Variants in FAM171B observed in about 807,000 individuals in gnomAD.
The protein encoded by FAM171B is family with sequence similarity 171 member B, also known as protein FAM171B.
A neutral mutation model predicts 75.6 loss-of-function variants in FAM171B; 19 were observed. That is an observed-to-expected ratio of 0.25 (90% confidence interval 0.18 to 0.37). The LOEUF (loss-of-function observed/expected upper bound fraction) is 0.37, where lower values mean the gene tolerates loss of function less well. FAM171B is among the 10% of genes least tolerant of loss of function. FAM171B has a pLI of 1.00. For synonymous variants in FAM171B, 367 were observed against 361.7 expected (o/e 1.01, Z -0.17); for missense variants, 848 against 982.4 (o/e 0.86, Z 1.83).
rs1689820423 is a variant in FAM171B, at chr2:186,712,300, G to C, written c.238+17889G>C. Reference sequence around the variant, plus strand: ...GCTATGAAACATAATCTCTCATTCTGCCTTTTTCTTTGTGCCCATAGTATG... The same window carrying C: ...GCTATGAAACATAATCTCTCATTCTCCCTTTTTCTTTGTGCCCATAGTATG... On this transcript the variant is annotated intron_variant, in intron 1 of 7. Coordinates refer to ENST00000304698, the MANE Select transcript of FAM171B (RefSeq NM_177454.4). Among the ~76,000 whole-genome samples the C allele has an allele frequency of 2.0e-5, 3 of 151,922 alleles. No individual in the cohort carries two copies. The South Asian group carries it at 6.2e-4, about 32-fold the overall frequency.
Position 186,761,782 on chromosome 2 carries a change from C to A in FAM171B, c.1440C>A (p.Asn480Lys). 5.0e-6 allele frequency: 8 copies of A among 1,613,132 alleles called. No homozygotes were observed. Among genetic ancestry groups the A allele is most frequent in the Non-Finnish European group, 6.8e-6 (8 of 1,179,710 alleles). The change falls in exon 8 of 8, where the codon AAC becomes AAA. Residue 480 changes from asparagine to lysine, a missense_variant. Asn to Lys is a moderately conservative substitution (Grantham distance 94, BLOSUM62 0). This residue lies in a region of FAM171B where 665 missense variants were observed against 729.0 expected (regional missense o/e 0.91). Transcript: ENST00000304698. ...LSVNQNNYSR[N>K]PTQSLEPNVG... The stretch of plus-strand genomic sequence containing the variant: ...TCAATCAAAATAATTACTCAAGAAA[C>A]CCAACACAGTCTTTGGAGCCCAATG...
chr2:186,739,761 T>C (rs912637747), intron 1 of FAM171B, among the ~76,000 whole-genome samples: 5 of 152,246 alleles, frequency 3.3e-5, no homozygotes, highest in Non-Finnish European at 7.3e-5. Context: ...CATTGTAAAA[T>C]AATGATTAAA....
intron 4 of FAM171B, among the ~76,000 whole-genome samples, chr2:186,750,432 T>G (rs565214545): frequency 6.6e-6 from 1 of 152,328 alleles, no homozygotes; most frequent in East Asian, 1.9e-4. Context: ...TTTCTCCTGC[T>G]TTTCAAGCTT....
At position 186,716,272 on chromosome 2, in the gene FAM171B, C is replaced by T. The variant is rs147901120; in HGVS notation, c.238+21861C>T. Among the ~76,000 whole-genome samples, 804 of 152,188 alleles carry T rather than the reference C, an allele frequency of 5.3e-3. 8 individuals carry two copies. Among genetic ancestry groups the T allele is most frequent in the African/African-American group, 0.018 (764 of 41,508 alleles). On this transcript the variant is annotated intron_variant, in intron 1 of 7. Coordinates refer to ENST00000304698, the MANE Select transcript of FAM171B (RefSeq NM_177454.4). ...TAAGTGATCATCCTGCCTCAGCCTC[C>T]CAAAGCACTGGGATTACAGGTGTAA...
chr2:186,694,258 G>A lies in FAM171B; in HGVS notation c.85G>A (p.Ala29Thr), dbSNP rs1689540380. 2 of 1,611,238 alleles carry A rather than the reference G, an allele frequency of 1.2e-6. No individual in the cohort carries two copies. Among genetic ancestry groups the A allele is most frequent in the Non-Finnish European group, 1.7e-6 (2 of 1,179,652 alleles). The change falls in exon 1 of 8, where the codon GCC (alanine) becomes ACC (threonine). Residue 29 changes from alanine to threonine, a missense_variant. By Grantham distance (58) the Ala-to-Thr change is moderately conservative. Coordinates refer to ENST00000304698, the MANE Select transcript of FAM171B (RefSeq NM_177454.4). Reference protein sequence around the residue: ...VLLKARLVPAAARAELSRSDL... With the variant: ...VLLKARLVPATARAELSRSDL... ...GCTGAAAGCGCGGCTGGTCCCCGCGGCCGCCAGAGCGGAACTCAGCCGCTC... is the reference window on the plus strand; with the variant it reads ...GCTGAAAGCGCGGCTGGTCCCCGCGACCGCCAGAGCGGAACTCAGCCGCTC...
chr2:186,750,595 T>C (rs1185865071), intron 4 of FAM171B, among the ~76,000 whole-genome samples: 9 of 149,154 alleles, frequency 6.0e-5, no homozygotes, highest in African/African-American at 2.1e-4. Context: ...GTACTTTTAA[T>C]CTGAATGCTT....
At chr2:186,723,436 C>T (rs1689984196) in intron 1 of FAM171B, among the ~76,000 whole-genome samples, 1 of 152,048 alleles carries the variant, frequency 6.6e-6, no homozygotes. Context: ...TCAAATGAGA[C>T]TTTCCCCCTT....
chr2:186,694,498 A>T (rs2105767453), intron 1 of FAM171B, 87 bp downstream of exon 1: 1 of 1,455,754 alleles, frequency 6.9e-7, no homozygotes, highest in Non-Finnish European at 9.2e-7. Context: ...TTCCCTATCC[A>T]TTCCTATCCT....
chr2:186,751,561 A>G (rs1690455187), intron 5 of FAM171B, among the ~76,000 whole-genome samples: 1 of 152,172 alleles, frequency 6.6e-6, no homozygotes, highest in Non-Finnish European at 1.5e-5. Context: ...TGAGGTAGAA[A>G]TAATTTTTTA....
At chr2:186,735,367 T>G (rs548518745) in intron 1 of FAM171B, among the ~76,000 whole-genome samples, 28 of 152,238 alleles carry the variant, frequency 1.8e-4, no homozygotes, top group African/African-American at 6.7e-4. Flanking sequence ...ATTCAGACAT[T>G]AAAAAACCTG....
intron 1 of FAM171B, among the ~76,000 whole-genome samples, chr2:186,704,347 A>AG (rs1370097496): frequency 2.6e-5 from 4 of 152,180 alleles, no homozygotes; most frequent in African/African-American, 9.6e-5. Flanking sequence ...TTTTAAAAAA[A>AG]CAGAAGTATT....
chr2:186,699,415 G>A (rs1003392546), intron 1 of FAM171B, among the ~76,000 whole-genome samples: 14 of 152,108 alleles, frequency 9.2e-5, no homozygotes, highest in African/African-American at 2.9e-4. Context: ...TTTGCCATTT[G>A]TGTGTTTTCT....
intron 1 of FAM171B, among the ~76,000 whole-genome samples, chr2:186,736,567 G>GTGGGA (rs55683607): frequency 0.037 from 3,909 of 104,508 alleles, 170 homozygotes; most frequent in African/African-American, 0.12. Context: ...TGTGTGTGTG[G>GTGGGA]GAGAGAGAGA....
intron 1 of FAM171B, among the ~76,000 whole-genome samples, chr2:186,700,090 T>G (rs1427946521): frequency 6.6e-6 from 1 of 151,828 alleles, no homozygotes; most frequent in African/African-American, 2.4e-5. Flanking sequence ...TTTTTTTAGC[T>G]CAGGGTGGCT....
At position 186,751,112 on chromosome 2, in the gene FAM171B, A is replaced by G. The variant is rs113643440; in HGVS notation, c.725-22A>G. ...ACCACCTCTGTTTACATATGATTTT[A>G]ATAAACTGTCTTCTTTTATAGGTTT... On this transcript the variant is annotated intron_variant, in intron 4 of 7. Transcript: ENST00000304698. 1.7e-4 allele frequency: 263 copies of G among 1,546,624 alleles called. 1 individual carries two copies. In the African/African-American group the frequency reaches 3.2e-3, roughly 19 times the overall value.
intron 1 of FAM171B, among the ~76,000 whole-genome samples, chr2:186,695,901 G>A (rs941164008): frequency 6.6e-6 from 1 of 152,198 alleles, no homozygotes; most frequent in Non-Finnish European, 1.5e-5. Flanking sequence ...CTATGAAGCC[G>A]AAGTCTGGGA....
At position 186,712,934 on chromosome 2, in the gene FAM171B, A is replaced by T. The variant is rs190088157; in HGVS notation, c.238+18523A>T. On this transcript the variant is annotated intron_variant, in intron 1 of 7. Coordinates refer to ENST00000304698, the MANE Select transcript of FAM171B (RefSeq NM_177454.4). ...ACATTTCTAAATCTATATTGCAAACAAGTACATTTAATTATTCAGTCTTCA... is the reference window on the plus strand; with the variant it reads ...ACATTTCTAAATCTATATTGCAAACTAGTACATTTAATTATTCAGTCTTCA... 2.7e-4 allele frequency among the ~76,000 whole-genome samples: 41 copies of T among 152,356 alleles called. 1 individual carries two copies. Among genetic ancestry groups the T allele is most frequent in the Middle Eastern group, 3.4e-3 (1 of 294 alleles).
intron 6 of FAM171B, among the ~76,000 whole-genome samples, chr2:186,757,403 AATATAT>A (rs60383973): frequency 1.3e-5 from 2 of 149,764 alleles, no homozygotes; most frequent in African/African-American, 4.9e-5. Flanking sequence ...ACAGAGACCA[AATATAT>A]ATATATATAT....
intron 1 of FAM171B, among the ~76,000 whole-genome samples, chr2:186,731,761 A>G (rs1353640451): frequency 1.3e-5 from 2 of 152,260 alleles, no homozygotes; most frequent in East Asian, 3.9e-4. Context: ...GTTTACAGCC[A>G]TTCCCCATCA....
Sources: gnomAD v4.1 joint callset for allele counts (sites outside exome capture counted in the v4.1 genomes callset) on GRCh38, gnomAD v4.1.1 for gene constraint, gnomAD v4.1.1 regional missense constraint, MANE v1.5 for transcripts, NCBI Gene and HGNC (gene_info 2026-07-23, HGNC 2026-07-21) for gene names.